The following C8orf74 variants were observed in gnomAD, a reference collection of about 807,000 sequenced individuals.
The protein encoded by C8orf74 is chromosome 8 open reading frame 74.
C8orf74 carries 29 observed loss-of-function variants against 22.2 expected under a neutral mutation model. The ratio of observed to expected loss-of-function variants is 1.31; its 90% CI spans 0.97 to 1.78. The LOEUF is 1.78. C8orf74 is among the 40% of genes most tolerant of loss of function. C8orf74 has a pLI of 0.00. For missense variants in C8orf74, 515 were observed against 369.9 expected (o/e 1.39, Z -3.22); for synonymous variants, 255 against 163.1 (o/e 1.56, Z -4.30).
chr8:10,673,153 AC>A (rs1300928537), intron 1 of C8orf74, among the ~76,000 whole-genome samples: 5 of 152,082 alleles, frequency 3.3e-5, no homozygotes, highest in Admixed American at 1.3e-4. Context: ...CACTAAGGCC[AC>A]CATTGGTCCT....
In C8orf74 at chr8:10,697,733, C is replaced by T; in HGVS notation, c.376C>T (p.Gln126Ter). 2 of 1,614,052 alleles carry T rather than the reference C, an allele frequency of 1.2e-6. No homozygotes were observed. The highest frequency in any genetic ancestry group is 1.3e-5 in the African/African-American group (1 of 75,060). ...HTFIRHYKLYQYVLGQDQQVD... is the reference protein window; with the variant it reads ...HTFIRHYKLY ...CTTCATCCGCCACTACAAACTCTAC[C>T]AGTATGTCCTGGGCCAGGACCAGCA... Residue 126 changes from glutamine to a stop codon, truncating the protein, a stop_gained, in exon 3 of 4, where the codon CAG becomes TAG. Coordinates refer to ENST00000304519, the MANE Select transcript of C8orf74 (RefSeq NM_001040032.2). LOFTEE classifies it high-confidence loss of function.
chr8:10,675,405 A>G (rs981003746), intron 2 of C8orf74, among the ~76,000 whole-genome samples: 9 of 152,234 alleles, frequency 5.9e-5, no homozygotes, highest in Admixed American at 5.9e-4. Flanking sequence ...GTGCAGATTC[A>G]TTCATTAAGC....
chr8:10,680,406 G>A (rs1586033992), intron 2 of C8orf74, among the ~76,000 whole-genome samples: 1 of 152,224 alleles, frequency 6.6e-6, no homozygotes, highest in Admixed American at 6.5e-5. Flanking sequence ...CATAGTAAGT[G>A]CTTAATCAAT....
intron 2 of C8orf74, among the ~76,000 whole-genome samples, chr8:10,696,300 G>A (rs10098956): frequency 0.07 from 10,611 of 152,068 alleles, 1,167 homozygotes; most frequent in African/African-American, 0.23. Flanking sequence ...CCTTGGTGCT[G>A]CCCTCAGAGC....
chr8:10,696,436 C>CTTTTTTTTTTTT (rs1799501441), intron 2 of C8orf74, among the ~76,000 whole-genome samples: 1 of 130,788 alleles, frequency 7.6e-6, no homozygotes, highest in African/African-American at 3.3e-5. Context: ...CTTTTCTTTT[C>CTTTTTTTTTTTT]TTTTCTTTTT....
intron 2 of C8orf74, among the ~76,000 whole-genome samples, chr8:10,676,944 G>A (rs987526557): frequency 2.0e-5 from 3 of 152,204 alleles, no homozygotes; most frequent in Non-Finnish European, 4.4e-5. Context: ...CAAGCCCTTG[G>A]AAAACAGTCG....
rs75350237 is a variant in C8orf74, at chr8:10,683,881, T to A, written c.241+9043T>A. On this transcript the variant is annotated intron_variant, in intron 2 of 3. Transcript: ENST00000304519. ...TGAGCGGCCGGTGCTTCTGGACAAT[T>A]CTTCCTGCTGTTGCACTGAAAGCTG... Among the ~76,000 whole-genome samples the A allele has an allele frequency of 5.4e-3, 819 of 152,316 alleles. 10 individuals carry two copies. The highest frequency in any genetic ancestry group is 0.019 in the African/African-American group (779 of 41,552).
chr8:10,691,983 TG>T, intron 2 of C8orf74: 1 of 152,858 alleles, frequency 6.5e-6, no homozygotes, highest in African/African-American at 2.4e-5. Flanking sequence ...TCACTGCTCC[TG>T]GCCCCTCTGC....
chr8:10,700,534 G>A lies in C8orf74; in HGVS notation c.*63G>A, dbSNP rs1019174127. The stretch of plus-strand genomic sequence containing the variant: ...GCCACCCATAACCATGAGCCTTGCG[G>A]CACGGTGAGCTCAGCACCCACAGAG... On this transcript the variant is annotated 3_prime_UTR_variant, in exon 4 of 4. Transcript: ENST00000304519. 8 of 1,034,996 alleles carry A rather than the reference G, an allele frequency of 7.7e-6. No individual in the cohort carries two copies. The African/African-American group carries it at 1.1e-4, about 15-fold the overall frequency. The allele number at this position is 1,034,996 out of a possible 1,614,324, so 64.1% of individuals were successfully genotyped here. A position where few individuals can be genotyped will look rare whatever the true frequency, so the allele number is the denominator to read the frequency against.
At chr8:10,674,612 T>G in intron 1 of C8orf74, 34 bp from the exon 2 acceptor site, 1 of 1,440,994 alleles carries the variant, frequency 6.9e-7, no homozygotes, top group Admixed American at 2.0e-5. Context: ...AACCCCCACA[T>G]CATACCCTGC....
At chr8:10,687,216 T>C (rs1301745686) in intron 2 of C8orf74, 2 of 424,706 alleles carry the variant, frequency 4.7e-6, no homozygotes, top group African/African-American at 4.1e-5. Context: ...GCACCACATA[T>C]GCATGCTGTC....
chr8:10,697,891 G>A lies in C8orf74; in HGVS notation c.534G>A (p.Lys178=), dbSNP rs1799562813. 6.2e-7 allele frequency: 1 copy of A among 1,610,008 alleles called. No individual in the cohort carries two copies. The highest frequency in any genetic ancestry group is 8.5e-7 in the Non-Finnish European group (1 of 1,177,686). ...CACTGACGGAGGCCGAGGCACAGAA[G>A]CGCGCCGACGTGCTGCTCCTGAAAG... is the stretch of plus-strand genomic sequence containing the variant. The part of the protein sequence containing the change: ...VATLTEAEAQ[K]RADVLLLKEA... Residue 178 remains lysine (K), a synonymous_variant, in exon 3 of 4, where the codon AAG becomes AAA. Transcript: ENST00000304519.
intron 3 of C8orf74, 92 bp downstream of exon 3, chr8:10,698,097 G>T: frequency 7.9e-7 from 1 of 1,259,500 alleles, no homozygotes; most frequent in African/African-American, 1.5e-5. Context: ...GCTCCTCAGT[G>T]GCACACAGGG....
chr8:10,680,325 A>T (rs1471796869), intron 2 of C8orf74, among the ~76,000 whole-genome samples: 1 of 152,258 alleles, frequency 6.6e-6, no homozygotes, highest in African/African-American at 2.4e-5. Flanking sequence ...AAATGGGGGC[A>T]GTAACAGTTC....
chr8:10,679,311 C>A (rs1799098516), intron 2 of C8orf74, among the ~76,000 whole-genome samples: 1 of 152,166 alleles, frequency 6.6e-6, no homozygotes, highest in Non-Finnish European at 1.5e-5. Context: ...GCTCCACTGT[C>A]CACCTGGAAC....
chr8:10,690,108 A>G (rs1305926019), intron 2 of C8orf74, among the ~76,000 whole-genome samples: 1 of 152,192 alleles, frequency 6.6e-6, no homozygotes, highest in Non-Finnish European at 1.5e-5. Context: ...ACCTCCAAGA[A>G]TCTACAAAAA....
chr8:10,697,204 C>A (rs967724648), intron 2 of C8orf74, among the ~76,000 whole-genome samples: 1 of 152,040 alleles, frequency 6.6e-6, no homozygotes, highest in Admixed American at 6.5e-5. Context: ...TTTAGGAGGC[C>A]GAGGCAGGAG....
intron 2 of C8orf74, among the ~76,000 whole-genome samples, chr8:10,690,382 T>A (rs997867172): frequency 1.3e-5 from 2 of 151,714 alleles, no homozygotes; most frequent in African/African-American, 2.4e-5. Context: ...AGTTTAGTAG[T>A]CTCCCCAGGA....
At chr8:10,674,194 C>G (rs111775813) in intron 1 of C8orf74, among the ~76,000 whole-genome samples, 76 of 138,076 alleles carry the variant, frequency 5.5e-4, no homozygotes, top group African/African-American at 2.0e-3. Flanking sequence ...GCCCCCATAT[C>G]ACACCCTGTA....
Sources: allele counts gnomAD v4.1 joint callset (sites outside exome capture counted in the v4.1 genomes callset), GRCh38; gene constraint gnomAD v4.1.1; transcripts MANE v1.5; gene names NCBI Gene and HGNC (gene_info 2026-07-23, HGNC 2026-07-21).